Variants in ZNF652 observed in about 807,000 individuals in gnomAD.
ZNF652 encodes the protein zinc finger protein 652.
ZNF652 carries 16 observed loss-of-function variants against 45.2 expected under a neutral mutation model. The ratio of observed to expected loss-of-function variants is 0.35; its 90% CI spans 0.24 to 0.54. ZNF652 has a LOEUF of 0.54. Among genes scored for constraint, ZNF652 ranks in the 20% least tolerant of loss-of-function variants. The pLI is 0.91. For synonymous variants in ZNF652, 250 were observed against 260.6 expected, an observed-to-expected ratio of 0.96 and a Z score of 0.39; for missense variants, 614 against 765.6, an observed-to-expected ratio of 0.80 and a Z score of 2.34.
In ZNF652 at chr17:49,293,402, T is replaced by C. The variant is rs1184521465; in HGVS notation, c.*5011A>G. Among the ~76,000 whole-genome samples the C allele has an allele frequency of 2.0e-5, 3 of 152,090 alleles. No homozygotes were observed. The highest frequency in any genetic ancestry group is 7.2e-5 in the African/African-American group (3 of 41,412). ...TATCCTCTGAGACAAAAAGATCTGA[T>C]CATAAAGTCTATAAAAAAGTCTAGA... On this transcript the variant is annotated 3_prime_UTR_variant, in exon 6 of 6. Transcript: ENST00000430262.
chr17:49,300,316 G>A (rs539442615), intron 5 of ZNF652, among the ~76,000 whole-genome samples: 18 of 152,302 alleles, frequency 1.2e-4, no homozygotes, highest in African/African-American at 4.3e-4. Flanking sequence ...GTCCGTGGGT[G>A]TAGGGAGGGT....
At chr17:49,344,245 G>C (rs2070180672) in intron 1 of ZNF652, among the ~76,000 whole-genome samples, 1 of 151,450 alleles carries the variant, frequency 6.6e-6, no homozygotes, top group African/African-American at 2.4e-5. Context: ...CATGCCTATA[G>C]TCCTAGCTAC....
intron 1 of ZNF652, among the ~76,000 whole-genome samples, chr17:49,355,651 G>T (rs2070328186): frequency 6.6e-6 from 1 of 152,160 alleles, no homozygotes; most frequent in Non-Finnish European, 1.5e-5. Context: ...TGTAATCCCA[G>T]CACTTTGGGA....
At chr17:49,324,774 CTT>C (rs1389461358) in intron 1 of ZNF652, among the ~76,000 whole-genome samples, 2 of 114,908 alleles carry the variant, frequency 1.7e-5, no homozygotes, top group African/African-American at 3.4e-5. Flanking sequence ...GAGTTTCACT[CTT>C]GTCACCCAAG....
chr17:49,333,393 T>C (rs1045922164), intron 1 of ZNF652, among the ~76,000 whole-genome samples: 3 of 147,780 alleles, frequency 2.0e-5, no homozygotes, highest in Non-Finnish European at 4.5e-5. Context: ...ACGGAAAGAA[T>C]ATGAAGACAT....
intron 1 of ZNF652, among the ~76,000 whole-genome samples, chr17:49,359,313 A>G (rs1391171767): frequency 1.3e-5 from 2 of 152,246 alleles, no homozygotes; most frequent in Admixed American, 6.5e-5. Context: ...AAAAAAGGCA[A>G]TATTTGCAAC....
chr17:49,331,504 A>T (rs2070024582), intron 1 of ZNF652, among the ~76,000 whole-genome samples: 1 of 152,182 alleles, frequency 6.6e-6, no homozygotes, highest in Non-Finnish European at 1.5e-5. Flanking sequence ...ATAGGTACAG[A>T]TGTTCACATT....
intron 1 of ZNF652, among the ~76,000 whole-genome samples, chr17:49,347,890 G>A (rs2070223643): frequency 6.6e-6 from 1 of 151,756 alleles, no homozygotes; most frequent in African/African-American, 2.4e-5. Context: ...GACTAGAGGT[G>A]TGCACCACCA....
At chr17:49,310,112 C>A (rs1648529589) in intron 5 of ZNF652, among the ~76,000 whole-genome samples, 1 of 152,138 alleles carries the variant, frequency 6.6e-6, no homozygotes, top group Non-Finnish European at 1.5e-5. Flanking sequence ...CACCACCATG[C>A]CCGGCTAATT....
At chr17:49,358,611 T>C (rs1281699344) in intron 1 of ZNF652, among the ~76,000 whole-genome samples, 1 of 152,210 alleles carries the variant, frequency 6.6e-6, no homozygotes, top group Non-Finnish European at 1.5e-5. Context: ...CTAGTTTACC[T>C]CTTCGTTAGG....
chr17:49,340,531 C>G (rs1166848102), intron 1 of ZNF652, among the ~76,000 whole-genome samples: 53 of 81,766 alleles, frequency 6.5e-4, no homozygotes, highest in Admixed American at 9.8e-4. Flanking sequence ...GCCTGGGCAA[C>G]AAAGCGAGAC....
At chr17:49,342,885 A>ATT (rs752751225) in intron 1 of ZNF652, among the ~76,000 whole-genome samples, 1 of 142,108 alleles carries the variant, frequency 7.0e-6, no homozygotes, top group Non-Finnish European at 1.6e-5. Flanking sequence ...TCCACATAGA[A>ATT]TTTTTTTTTT....
At chr17:49,323,074 C>T (rs2069915946) in intron 1 of ZNF652, among the ~76,000 whole-genome samples, 1 of 152,142 alleles carries the variant, frequency 6.6e-6, no homozygotes, top group African/African-American at 2.4e-5. Context: ...GCTGCATTAA[C>T]TTATTCTTCC....
In ZNF652 at chr17:49,292,736, T is replaced by A. The variant is rs773507169; in HGVS notation, c.*5677A>T. ...TGGTGAAAGTAAAAAAAGTGAAGAG[T>A]CAAATAAGGATAAAATCTTTCAACA... is the stretch of plus-strand genomic sequence containing the variant. On this transcript the variant is annotated 3_prime_UTR_variant, in exon 6 of 6. Coordinates refer to ENST00000430262, the MANE Select transcript of ZNF652 (RefSeq NM_001145365.3). Among the ~76,000 whole-genome samples the A allele has an allele frequency of 4.0e-5, 6 of 151,344 alleles. No homozygotes were observed. The highest frequency in any genetic ancestry group is 6.6e-5 in the Admixed American group (1 of 15,174).
intron 1 of ZNF652, among the ~76,000 whole-genome samples, chr17:49,354,547 G>A (rs2070314356): frequency 1.3e-5 from 2 of 150,242 alleles, no homozygotes; most frequent in Admixed American, 6.7e-5. Context: ...GTAGGCAGAG[G>A]CTGCAGTGAG....
At position 49,300,700 on chromosome 17, in the gene ZNF652, T is replaced by C. The variant is rs951773894; in HGVS notation, c.1310-1776A>G. Among the ~76,000 whole-genome samples the C allele has an allele frequency of 2.0e-5, 3 of 152,306 alleles. No homozygotes were observed. The East Asian group carries it at 5.8e-4, about 29-fold the overall frequency. On this transcript the variant is annotated intron_variant, in intron 5 of 5. Coordinates refer to ENST00000430262, the MANE Select transcript of ZNF652 (RefSeq NM_001145365.3). ...CGTCTCTTCACATTAACTCCTGCTATAAGAGCGTTGCTGTCACTTCCCTTG... is the reference window on the plus strand; with the variant it reads ...CGTCTCTTCACATTAACTCCTGCTACAAGAGCGTTGCTGTCACTTCCCTTG...
chr17:49,352,696 C>T (rs2070294877), intron 1 of ZNF652, among the ~76,000 whole-genome samples: 1 of 152,148 alleles, frequency 6.6e-6, no homozygotes, highest in South Asian at 2.1e-4. Context: ...TTTACAGTGG[C>T]TCTGTTCATA....
At chr17:49,348,125 C>T (rs141448987) in intron 1 of ZNF652, among the ~76,000 whole-genome samples, 7 of 152,186 alleles carry the variant, frequency 4.6e-5, no homozygotes, top group Admixed American at 1.3e-4. Flanking sequence ...TATCAAATGA[C>T]ACCATGTGGA....
chr17:49,361,165 G>C (rs573378233), intron 1 of ZNF652: 1 of 152,428 alleles, frequency 6.6e-6, no homozygotes, highest in African/African-American at 2.4e-5. Flanking sequence ...TGCTCTAGTT[G>C]TGATCAAAGC....
Sources: allele counts gnomAD v4.1 joint callset (sites outside exome capture counted in the v4.1 genomes callset), GRCh38; gene constraint gnomAD v4.1.1; transcripts MANE v1.5; gene names NCBI Gene and HGNC (gene_info 2026-07-23, HGNC 2026-07-21).